The following RAD54B variants were observed in gnomAD, a reference collection of about 807,000 sequenced individuals.
RAD54B encodes the protein DNA repair and recombination protein RAD54B.
In RAD54B, 78 loss-of-function variants were observed where a neutral mutation model predicts 95.8. The observed-to-expected ratio is 0.81, with a 90% CI of 0.68 to 0.98. The LOEUF is 0.98. RAD54B is among the 50% of genes least tolerant of loss of function. The probability of loss-of-function intolerance (pLI) is 0.00; values close to 1 mark genes in which losing one functional copy is unlikely to be tolerated. For missense variants in RAD54B, 957 were observed against 1,056.6 expected, an observed-to-expected ratio of 0.91 and a Z score of 1.31; for synonymous variants, 328 against 354.9, an observed-to-expected ratio of 0.92 and a Z score of 0.85.
Position 94,372,404 on chromosome 8 carries a change from A to G in RAD54B, c.2516-17T>C, listed in dbSNP as rs547001487. ...ACGAATCACCTGTAATAAGTAAAAC[A>G]ATGAGAAAATCCTTAGGCAAGCCAA... On this transcript the variant is annotated splice_polypyrimidine_tract_variant and intron_variant, in intron 14 of 14. Transcript: ENST00000336148. 6.2e-7 allele frequency: 1 copy of G among 1,608,758 alleles called. No homozygotes were observed. The highest frequency in any genetic ancestry group is 2.2e-5 in the East Asian group (1 of 44,738).
intron 3 of RAD54B, among the ~76,000 whole-genome samples, chr8:94,422,733 GCCT>G (rs1287804557): frequency 8.2e-6 from 1 of 121,926 alleles, no homozygotes. Context: ...TTTCTAGAAA[GCCT>G]CCTCACCACA....
At chr8:94,420,650 G>A (rs1426721022) in intron 3 of RAD54B, among the ~76,000 whole-genome samples, 3 of 151,508 alleles carry the variant, frequency 2.0e-5, no homozygotes, top group Non-Finnish European at 2.9e-5. Flanking sequence ...TATATTTCAG[G>A]GAGAAACATG....
chr8:94,442,914 C>T (rs1427011257), intron 3 of RAD54B, among the ~76,000 whole-genome samples: 7 of 152,116 alleles, frequency 4.6e-5, no homozygotes, highest in East Asian at 1.9e-4. Flanking sequence ...AGCATTGTCC[C>T]GCAATGGCAA....
chr8:94,416,397 A>G (rs913570391), intron 3 of RAD54B, among the ~76,000 whole-genome samples: 13 of 152,256 alleles, frequency 8.5e-5, no homozygotes, highest in African/African-American at 3.1e-4. Context: ...GGATAGCATT[A>G]GGAGATATAC....
intron 11 of RAD54B, among the ~76,000 whole-genome samples, chr8:94,383,307 C>G (rs1172121637): frequency 1.6e-5 from 2 of 125,484 alleles, no homozygotes; most frequent in African/African-American, 5.5e-5. Context: ...AAAAAAAGCC[C>G]CAAGATGACA....
At position 94,378,574 on chromosome 8, in the gene RAD54B, T is replaced by C; in HGVS notation, c.2308A>G (p.Thr770Ala). The change falls in exon 13 of 15, where the codon ACT becomes GCT. Residue 770 changes from threonine (T) to alanine (A), a missense_variant. Transcript: ENST00000336148. ...CACACTGAAGGGTTGTTACCTGTAG[T>C]TAGGAGTCTGTAAATATGTACAGGA... The part of the protein sequence containing the change: ...KYPVHIYRLL[T>A]TGTIEEKIYQ... 2 of 1,605,228 alleles carry C rather than the reference T, an allele frequency of 1.2e-6. No homozygotes were observed. Among genetic ancestry groups the C allele is most frequent in the Non-Finnish European group, 1.7e-6 (2 of 1,174,956 alleles).
intron 1 of RAD54B, among the ~76,000 whole-genome samples, chr8:94,470,082 T>G (rs1813130333): frequency 6.6e-6 from 1 of 152,316 alleles, no homozygotes; most frequent in East Asian, 1.9e-4. Flanking sequence ...ACTACCAACA[T>G]TATCTGTTTC....
chr8:94,427,231 A>ATATTTT (rs201709457), intron 3 of RAD54B, among the ~76,000 whole-genome samples: 3 of 151,988 alleles, frequency 2.0e-5, no homozygotes, highest in Non-Finnish European at 2.9e-5. Flanking sequence ...GATATGAGCG[A>ATATTTT]TATTTTTATT....
chr8:94,404,534 C>T (rs1274714388), intron 5 of RAD54B, among the ~76,000 whole-genome samples: 2 of 152,190 alleles, frequency 1.3e-5, no homozygotes, highest in African/African-American at 4.8e-5. Context: ...CAATAAGCCA[C>T]AACATTGAAT....
At chr8:94,457,964 AG>A (rs1175111241) in intron 3 of RAD54B, among the ~76,000 whole-genome samples, 1 of 152,198 alleles carries the variant, frequency 6.6e-6, no homozygotes, top group Non-Finnish European at 1.5e-5. Flanking sequence ...CATGCTTTTT[AG>A]AAAAAAAATG....
At chr8:94,425,541 A>T (rs192697555) in intron 3 of RAD54B, among the ~76,000 whole-genome samples, 1 of 152,268 alleles carries the variant, frequency 6.6e-6, no homozygotes, top group East Asian at 1.9e-4. Flanking sequence ...CTGCAATATA[A>T]ATTTAAGATT....
intron 3 of RAD54B, among the ~76,000 whole-genome samples, chr8:94,452,921 TTACA>T: frequency 6.6e-6 from 1 of 152,180 alleles, no homozygotes; most frequent in Non-Finnish European, 1.5e-5. Flanking sequence ...GAATATATAC[TTACA>T]TATAGATTGA....
chr8:94,462,149 G>A (rs982228466), intron 2 of RAD54B, among the ~76,000 whole-genome samples: 1 of 152,060 alleles, frequency 6.6e-6, no homozygotes, highest in Non-Finnish European at 1.5e-5. Context: ...TGTGAATTTG[G>A]GGCAAGAATA....
intron 3 of RAD54B, among the ~76,000 whole-genome samples, chr8:94,414,523 G>C (rs1163108169): frequency 6.6e-6 from 1 of 152,120 alleles, no homozygotes; most frequent in East Asian, 1.9e-4. Context: ...TTTATTGAGA[G>C]TTTTTAGCAT....
At chr8:94,444,369 A>T (rs1406047278) in intron 3 of RAD54B, among the ~76,000 whole-genome samples, 1 of 151,812 alleles carries the variant, frequency 6.6e-6, no homozygotes, top group Non-Finnish European at 1.5e-5. Flanking sequence ...TGTTCACAAG[A>T]CCACATGCAT....
chr8:94,389,244 C>A (rs56285115), intron 10 of RAD54B, among the ~76,000 whole-genome samples: 58,547 of 152,066 alleles, frequency 0.39, 11,444 homozygotes, highest in Admixed American at 0.5. Flanking sequence ...CGTGAGCCAC[C>A]GCCCTGGCCA....
At chr8:94,431,892 G>A in intron 3 of RAD54B, 1 of 1,179,672 alleles carries the variant, frequency 8.5e-7, no homozygotes, top group Non-Finnish European at 1.1e-6. Context: ...TCTTTTGTAA[G>A]GTCAACAATT....
At chr8:94,469,582 A>G (rs1318833884) in intron 1 of RAD54B, among the ~76,000 whole-genome samples, 2 of 152,252 alleles carry the variant, frequency 1.3e-5, no homozygotes, top group Admixed American at 1.3e-4. Context: ...ATCTTCTTTA[A>G]AGCAATTTAA....
intron 5 of RAD54B, 133 bp from the exon 6 acceptor site, chr8:94,404,372 T>A: frequency 1.3e-6 from 1 of 744,558 alleles, no homozygotes. Flanking sequence ...TTAGTCACAG[T>A]AATGTTACCC....
Sources: gnomAD v4.1 joint callset for allele counts (sites outside exome capture counted in the v4.1 genomes callset) on GRCh38, gnomAD v4.1.1 for gene constraint, MANE v1.5 for transcripts, NCBI Gene and HGNC (gene_info 2026-07-23, HGNC 2026-07-21) for gene names.